URGCP: variants seen among roughly 807,000 people sequenced by gnomAD.
The protein encoded by URGCP is upregulator of cell proliferation, also known as up-regulator of cell proliferation.
Under a neutral mutation model 24.6 loss-of-function variants are expected in URGCP, and 13 were observed. The ratio of observed to expected loss-of-function variants is 0.53; its 90% CI spans 0.34 to 0.84. The LOEUF is 0.84. Ranked by LOEUF, URGCP falls within the 40% of genes least tolerant of loss-of-function variation. URGCP has a pLI of 0.01. For missense variants in URGCP, 899 were observed against 1,194.3 expected (o/e 0.75, Z 3.64); for synonymous variants, 444 against 487.2 (o/e 0.91, Z 1.17).
At chr7:43,926,653 G>C, upstream of URGCP, 1 of 1,327,644 alleles carries the variant, frequency 7.5e-7, no homozygotes, top group Non-Finnish European at 1.0e-6. Context: ...CGGAGGCTCC[G>C]CGAGTCGCGG....
At chr7:43,905,441 T>C (rs964082260) in intron 1 of URGCP, among the ~76,000 whole-genome samples, 8 of 152,124 alleles carry the variant, frequency 5.3e-5, no homozygotes, top group Non-Finnish European at 1.0e-4. Flanking sequence ...AAATGACCAC[T>C]GCCCCAAAGC....
At chr7:43,883,362 A>ATTTTTTTTTT (rs34217938) in intron 3 of URGCP, among the ~76,000 whole-genome samples, 1 of 88,286 alleles carries the variant, frequency 1.1e-5, no homozygotes, top group Non-Finnish European at 2.0e-5. Flanking sequence ...ATATATATAT[A>ATTTTTTTTTT]TTTTTTTTTT....
chr7:43,922,924 G>T (rs111689772), intron 1 of URGCP, among the ~76,000 whole-genome samples: 9 of 147,868 alleles, frequency 6.1e-5, no homozygotes, highest in African/African-American at 7.5e-5. Context: ...CTTTCTTTCC[G>T]TCTTTCTTTC....
chr7:43,907,331 G>A (rs1482645632), upstream of URGCP, among the ~76,000 whole-genome samples: 4 of 152,054 alleles, frequency 2.6e-5, no homozygotes, highest in Non-Finnish European at 5.9e-5. Context: ...AACATTTTTA[G>A]TATTATATTA....
intron 5 of URGCP, 63 bp downstream of exon 5, chr7:43,881,596 C>T (rs1007626431): frequency 6.2e-7 from 1 of 1,609,790 alleles, no homozygotes; most frequent in South Asian, 1.1e-5. Context: ...GGTGTGGGAA[C>T]TGCTGGCCTA....
rs1192800634 is a variant in URGCP, at chr7:43,878,533, C to A, written c.930G>T (p.Gly310=). 17 of 1,614,114 alleles carry A rather than the reference C, an allele frequency of 1.1e-5. No homozygotes were observed. Among genetic ancestry groups the A allele is most frequent in the Non-Finnish European group, 1.4e-5 (17 of 1,180,048 alleles). ...GAAAAAACCAGGAAATTTCTACCAA[C>A]CCATCCGAAATCTCCCGGGCATTGG... ...LGTNAREISD[G]LVEISWFFPS... The change falls in exon 6 of 6, where the codon GGG becomes GGT. Residue 310 remains glycine, a synonymous_variant. Transcript: ENST00000453200. The surrounding 1 kb of genome is among the most constrained non-coding windows in gnomAD (Gnocchi z 5.6).
At chr7:43,908,665 C>T (rs142316013), upstream of URGCP, among the ~76,000 whole-genome samples, 419 of 152,374 alleles carry the variant, frequency 2.7e-3, 1 homozygote, top group Middle Eastern at 6.8e-3. Context: ...AAGTTAATCT[C>T]TGTGCCCTGA....
In URGCP at chr7:43,878,108, G is replaced by C. The variant is rs1252102090; in HGVS notation, c.1355C>G (p.Ala452Gly). The stretch of plus-strand genomic sequence containing the variant: ...TAGGCCCAGTTTGCGGGCTGCGTGC[G>C]CCATGTCCTCCACAGATACCCGCCT... Reference protein sequence around the residue: ...PCRRVSVEDMAHAARKLGLKV... With the variant: ...PCRRVSVEDMGHAARKLGLKV... Residue 452 changes from alanine (A) to glycine (G), a missense_variant, in exon 6 of 6, where the codon GCG becomes GGG. Coordinates refer to ENST00000453200, the MANE Select transcript of URGCP (RefSeq NM_001077663.3). The surrounding 1 kb of genome is among the most constrained non-coding windows in gnomAD (Gnocchi z 5.6). 6.2e-7 allele frequency: 1 copy of C among 1,614,100 alleles called. No homozygotes were observed. The highest frequency in any genetic ancestry group is 1.3e-5 in the African/African-American group (1 of 74,932).
At chr7:43,886,385 T>G (rs61656552) in intron 3 of URGCP, among the ~76,000 whole-genome samples, 2 of 152,216 alleles carry the variant, frequency 1.3e-5, no homozygotes, top group African/African-American at 4.8e-5. Flanking sequence ...CTTTTTTTTT[T>G]GGCAGTTAAA....
rs543657446 is a variant in URGCP at position 43,923,273 on chromosome 7, T to C, written c.-116+2859A>G. 3.6e-3 allele frequency among the ~76,000 whole-genome samples: 511 copies of C among 143,078 alleles called. 1 individual carries two copies. Among genetic ancestry groups the C allele is most frequent in the Non-Finnish European group, 5.6e-3 (376 of 66,964 alleles). The allele number at this position is 143,078 out of a possible 152,430, so 93.9% of individuals were successfully genotyped here. ...CTGGAATTACAGGTGTGAGCCACTG[T>C]GCCCAGCCTTTTTTTTTTTTTTTTT... On this transcript the variant is annotated intron_variant, in intron 1 of 5. Coordinates refer to the URGCP transcript ENST00000426198.
chr7:43,898,842 T>TAAAAA (rs35455149), intron 1 of URGCP, among the ~76,000 whole-genome samples: 1 of 139,288 alleles, frequency 7.2e-6, no homozygotes, highest in Non-Finnish European at 1.6e-5. Flanking sequence ...AGGAAAGAGT[T>TAAAAA]AAAAAAAAAA....
rs776969467 is a variant in URGCP, at chr7:43,878,804, G to A, written c.659C>T (p.Ser220Leu). The A allele has an allele frequency of 2.4e-5, 38 of 1,613,886 alleles. No homozygotes were observed. Among genetic ancestry groups the A allele is most frequent in the South Asian group, 1.9e-4 (17 of 91,066 alleles). ...CAGAAATGTATGGTAGTGGTTCTCCGAGTCAGGCAACACGAGTGGGAGTGC... is the reference window on the plus strand; with the variant it reads ...CAGAAATGTATGGTAGTGGTTCTCCAAGTCAGGCAACACGAGTGGGAGTGC... ...QFALPLVLPD[S>L]ENHYHTFLLW... Residue 220 changes from serine to leucine, a missense_variant, in exon 6 of 6, where the codon TCG (serine) becomes TTG (leucine). Ser to Leu is a moderately radical substitution (Grantham distance 145, BLOSUM62 -2). Coordinates refer to ENST00000453200, the MANE Select transcript of URGCP (RefSeq NM_001077663.3). The surrounding 1 kb of genome is among the most constrained non-coding windows in gnomAD (Gnocchi z 5.6).
In URGCP at chr7:43,876,375, A is replaced by G; in HGVS notation, c.*292T>C. Reference sequence around the variant, plus strand: ...GGCCAGTGACAGAGAGCAGCTATACAGAGGGCCCACCCCGCAGGATCCTTG... The same window carrying G: ...GGCCAGTGACAGAGAGCAGCTATACGGAGGGCCCACCCCGCAGGATCCTTG... On this transcript the variant is annotated 3_prime_UTR_variant, in exon 6 of 6. Transcript: ENST00000453200. 1 of 407,310 alleles carries G rather than the reference A, an allele frequency of 2.5e-6. No individual in the cohort carries two copies. Among genetic ancestry groups the G allele is most frequent in the Non-Finnish European group, 4.5e-6 (1 of 222,338 alleles). The allele number at this position is 407,310 out of a possible 1,614,324, so 25.2% of individuals were successfully genotyped here.
intron 1 of URGCP, among the ~76,000 whole-genome samples, chr7:43,900,966 T>C (rs1280278771): frequency 2.0e-5 from 3 of 152,202 alleles, no homozygotes; most frequent in Non-Finnish European, 4.4e-5. Flanking sequence ...AACACTTTTG[T>C]TTGTGCCTCA....
intron 1 of URGCP, chr7:43,889,700 CAGAT>C (rs1264636314): frequency 1.3e-5 from 2 of 152,248 alleles, no homozygotes; most frequent in Non-Finnish European, 2.9e-5. Context: ...ATTCTGTTAA[CAGAT>C]AGAAGAGTAG....
intron 3 of URGCP, among the ~76,000 whole-genome samples, chr7:43,885,498 A>G (rs1433516289): frequency 7.1e-6 from 1 of 140,078 alleles, no homozygotes; most frequent in Non-Finnish European, 1.6e-5. Flanking sequence ...AGGAACTCAC[A>G]TAACTCATGA....
chr7:43,898,646 G>A (rs2095883272), intron 1 of URGCP, among the ~76,000 whole-genome samples: 1 of 151,974 alleles, frequency 6.6e-6, no homozygotes, highest in Admixed American at 6.6e-5. Context: ...TGTGCCTTAA[G>A]TCCAGTTATT....
chr7:43,877,200 C>T lies in URGCP; in HGVS notation c.2263G>A (p.Gly755Ser). 1.2e-6 allele frequency: 2 copies of T among 1,614,190 alleles called. No individual in the cohort carries two copies. Among genetic ancestry groups the T allele is most frequent in the South Asian group, 1.1e-5 (1 of 91,088 alleles). The change falls in exon 6 of 6, where the codon GGC becomes AGC. Residue 755 changes from glycine (G) to serine (S), a missense_variant. Physicochemically the swap from Gly to Ser is moderately conservative, Grantham distance 56. Coordinates refer to ENST00000453200, the MANE Select transcript of URGCP (RefSeq NM_001077663.3). ...GACGTCAAGGCCCCACCTATCAAGC[C>T]CCCGGAGTCTATCACCAGGATGTGG... ...CDHILVIDSG[G>S]LIGGALTSAG...
chr7:43,882,660 G>A (rs980844616), intron 3 of URGCP, among the ~76,000 whole-genome samples: 2 of 151,824 alleles, frequency 1.3e-5, no homozygotes, highest in Admixed American at 1.3e-4. Flanking sequence ...CAATATGGTG[G>A]CTGATGTTTT....
Sources: allele counts gnomAD v4.1 joint callset (sites outside exome capture counted in the v4.1 genomes callset), GRCh38; gene constraint gnomAD v4.1.1; non-coding constraint Gnocchi (gnomAD v3.1); transcripts MANE v1.5; gene names NCBI Gene and HGNC (gene_info 2026-07-23, HGNC 2026-07-21).